Variants in CSNK1G1 observed in about 807,000 individuals in gnomAD.
The protein encoded by CSNK1G1 is casein kinase I isoform gamma-1.
In CSNK1G1, 22 loss-of-function variants were observed where a neutral mutation model predicts 59.6. That is an observed-to-expected ratio of 0.37 (90% confidence interval 0.26 to 0.53). The LOEUF (loss-of-function observed/expected upper bound fraction) is 0.53, where lower values mean the gene tolerates loss of function less well. Among genes scored for constraint, CSNK1G1 ranks in the 20% least tolerant of loss-of-function variants. CSNK1G1 has a pLI of 0.89. For synonymous variants in CSNK1G1, 179 were observed against 177.1 expected (o/e 1.01, Z -0.08); for missense variants, 384 against 519.5 (o/e 0.74, Z 2.54).
intron 4 of CSNK1G1, 162 bp downstream of exon 4, chr15:64,251,350 G>C: frequency 1.8e-6 from 1 of 548,004 alleles, no homozygotes; most frequent in African/African-American, 1.9e-5. Flanking sequence ...AGGAACCAGA[G>C]CGCAAGTAGC....
rs948233444 is a variant in CSNK1G1, at chr15:64,278,140, G to A, written c.182-18899C>T. Among the ~76,000 whole-genome samples the A allele has an allele frequency of 8.0e-5, 12 of 150,850 alleles. No individual in the cohort carries two copies. The East Asian group carries it at 1.2e-3, about 15-fold the overall frequency. ...AGCTCACTGCAACCTCTGCCCCGCC[G>A]GTTTCAAGCAATTCTCCCACCTCGG... On this transcript the variant is annotated intron_variant, in intron 2 of 11. Transcript: ENST00000303052.
chr15:64,254,840 T>C (rs575871142), intron 3 of CSNK1G1, among the ~76,000 whole-genome samples: 1 of 152,230 alleles, frequency 6.6e-6, no homozygotes, highest in Admixed American at 6.5e-5. Context: ...GTCTGTGATT[T>C]TGGTGTCATA....
chr15:64,302,012 A>G (rs1895372001), intron 1 of CSNK1G1, among the ~76,000 whole-genome samples: 1 of 152,236 alleles, frequency 6.6e-6, no homozygotes, highest in African/African-American at 2.4e-5. Flanking sequence ...GAGGACCTGT[A>G]ATTCCCTACT....
chr15:64,303,139 A>C lies in CSNK1G1; in HGVS notation c.-224-2416T>G, dbSNP rs146003356. On this transcript the variant is annotated intron_variant, in intron 1 of 11. Transcript: ENST00000303052. The stretch of plus-strand genomic sequence containing the variant: ...CAGTTACTTGGGAGGCTGAGATGGG[A>C]GTACTGCTCAAGCCCATGAGTTCAA... 3.1e-3 allele frequency among the ~76,000 whole-genome samples: 465 copies of C among 151,926 alleles called. 1 individual carries two copies. Among genetic ancestry groups the C allele is most frequent in the African/African-American group, 0.011 (445 of 41,460 alleles).
chr15:64,260,739 T>C (rs1158424767), intron 2 of CSNK1G1, among the ~76,000 whole-genome samples: 6 of 151,914 alleles, frequency 3.9e-5, no homozygotes, highest in South Asian at 2.1e-4. Flanking sequence ...CTCCATCTCA[T>C]AAATAAACAA....
At chr15:64,240,655 A>C (rs962006463) in intron 4 of CSNK1G1, among the ~76,000 whole-genome samples, 3 of 152,040 alleles carry the variant, frequency 2.0e-5, no homozygotes, top group Admixed American at 6.6e-5. Context: ...GAAAAAAAAA[A>C]CTCTCAGCCA....
chr15:64,203,694 T>TTAAAAAA (rs2082139278), intron 9 of CSNK1G1, among the ~76,000 whole-genome samples: 4 of 56,178 alleles, frequency 7.1e-5, no homozygotes, highest in African/African-American at 3.1e-4. Flanking sequence ...TGAAACTCCG[T>TTAAAAAA]AAAAAAAAAA....
intron 10 of CSNK1G1, among the ~76,000 whole-genome samples, chr15:64,198,639 A>G (rs957145818): frequency 1.3e-5 from 2 of 152,054 alleles, no homozygotes; most frequent in African/African-American, 4.8e-5. Context: ...TTCTTTTGCT[A>G]ATTTCAAAAC....
intron 10 of CSNK1G1, chr15:64,181,085 T>G: frequency 1.5e-6 from 2 of 1,325,058 alleles, no homozygotes; most frequent in Non-Finnish European, 2.0e-6. Flanking sequence ...CCTCATGGCT[T>G]TGAGCACTGG....
Position 64,213,871 on chromosome 15 carries a change from G to C in CSNK1G1, c.679+19C>G. The C allele has an allele frequency of 1.3e-6, 2 of 1,526,716 alleles. No homozygotes were observed. Among genetic ancestry groups the C allele is most frequent in the Non-Finnish European group, 9.1e-7 (1 of 1,101,184 alleles). 94.6% of individuals were successfully genotyped at this position (1,526,716 alleles called of 1,614,324 possible). A position where few individuals can be genotyped will look rare whatever the true frequency, so the allele number is the denominator to read the frequency against. ...TGTTCTAATGACTCGCCCCTTTCAT[G>C]GAACAGAAAAAAACACACCTTTGCC... On this transcript the variant is annotated intron_variant, in intron 6 of 11. Transcript: ENST00000303052.
At chr15:64,187,885 G>C (rs1272534002) in intron 10 of CSNK1G1, among the ~76,000 whole-genome samples, 1 of 152,098 alleles carries the variant, frequency 6.6e-6, no homozygotes, top group African/African-American at 2.4e-5. Flanking sequence ...TTGATTCCAG[G>C]GAGAAAAAAG....
intron 6 of CSNK1G1, among the ~76,000 whole-genome samples, chr15:64,211,893 G>C (rs1164513267): frequency 6.6e-6 from 1 of 152,248 alleles, no homozygotes; most frequent in East Asian, 1.9e-4. Context: ...TACACAAATG[G>C]CTGAGCCCAG....
At chr15:64,179,251 A>AT (rs1363447458) in intron 11 of CSNK1G1, among the ~76,000 whole-genome samples, 1 of 152,190 alleles carries the variant, frequency 6.6e-6, no homozygotes, top group East Asian at 1.9e-4. Flanking sequence ...GTCTCAAAAA[A>AT]TAAATAAATA....
chr15:64,204,990 C>A (rs969381929), intron 7 of CSNK1G1, 41 bp from the exon 8 acceptor site: 2 of 1,137,318 alleles, frequency 1.8e-6, no homozygotes, highest in Non-Finnish European at 2.6e-6. Flanking sequence ...AAAAGAGGGC[C>A]TAAACATGGG....
At chr15:64,297,890 G>A (rs1895114946) in intron 2 of CSNK1G1, among the ~76,000 whole-genome samples, 1 of 152,084 alleles carries the variant, frequency 6.6e-6, no homozygotes, top group South Asian at 2.1e-4. Context: ...AGAAAATGAC[G>A]GAATGGGGTA....
rs2081643130 is a variant in CSNK1G1, at chr15:64,169,679, T to C, written c.*2252A>G. 1 of 152,340 alleles carries C rather than the reference T, an allele frequency of 6.6e-6. No individual in the cohort carries two copies. Among genetic ancestry groups the C allele is most frequent in the African/African-American group, 2.4e-5 (1 of 41,576 alleles). 9.4% of individuals were successfully genotyped at this position (152,340 alleles called of 1,614,324 possible). A position where few individuals can be genotyped will look rare whatever the true frequency, so the allele number is the denominator to read the frequency against. On this transcript the variant is annotated 3_prime_UTR_variant, in exon 12 of 12. Transcript: ENST00000303052. ...TGATAGGGCTGTAACCACTAGGTAA[T>C]GGCAAGGACATAAATCCCAATATTC...
At chr15:64,205,534 C>T (rs557526301) in intron 7 of CSNK1G1, among the ~76,000 whole-genome samples, 4 of 152,206 alleles carry the variant, frequency 2.6e-5, no homozygotes, top group African/African-American at 7.2e-5. Flanking sequence ...CTGGTATGCT[C>T]AGAGCTATAG....
intron 4 of CSNK1G1, among the ~76,000 whole-genome samples, chr15:64,222,468 G>A (rs2082403333): frequency 6.7e-6 from 1 of 150,318 alleles, no homozygotes; most frequent in Middle Eastern, 3.4e-3. Context: ...AAGAGGAGGG[G>A]GTTTAGACTG....
Position 64,204,864 on chromosome 15 carries a change from C to A in CSNK1G1, c.850+1G>T. On this transcript the variant is annotated splice_donor_variant, in intron 8 of 11. Transcript: ENST00000303052. LOFTEE classifies it high-confidence loss of function. ...ACTGGAATGTCTTTTTAGCATCCCA[C>A]CTGGAAAGTTCTCACAGAGAGCTTC... is the stretch of plus-strand genomic sequence containing the variant. The A allele has an allele frequency of 6.3e-7, 1 of 1,599,964 alleles. No individual in the cohort carries two copies. Among genetic ancestry groups the A allele is most frequent in the Non-Finnish European group, 8.6e-7 (1 of 1,167,422 alleles).
Sources: allele counts gnomAD v4.1 joint callset (sites outside exome capture counted in the v4.1 genomes callset), GRCh38; gene constraint gnomAD v4.1.1; transcripts MANE v1.5; gene names NCBI Gene and HGNC (gene_info 2026-07-23, HGNC 2026-07-21).